STX11: variants seen among roughly 807,000 people sequenced by gnomAD.
STX11 encodes the protein syntaxin-11.
STX11 carries 21 observed loss-of-function variants against 19.9 expected under a neutral mutation model. The observed-to-expected ratio is 1.06, with a 90% CI of 0.75 to 1.52. The LOEUF (loss-of-function observed/expected upper bound fraction) is 1.52, where lower values mean the gene tolerates loss of function less well. Among genes scored for constraint, STX11 ranks in the 40% most tolerant of loss-of-function variants. The pLI is 0.00. For missense variants in STX11, 438 were observed against 405.9 expected, an observed-to-expected ratio of 1.08 and a Z score of -0.68; for synonymous variants, 193 against 174.4, an observed-to-expected ratio of 1.11 and a Z score of -0.84.
chr6:144,164,496 T>C (rs906354706), intron 1 of STX11, among the ~76,000 whole-genome samples: 1 of 152,230 alleles, frequency 6.6e-6, no homozygotes, highest in African/African-American at 2.4e-5. Flanking sequence ...CAGAATTTTC[T>C]GCAGTTTTGG....
chr6:144,183,890 C>G lies in STX11; in HGVS notation c.-5-2733C>G, dbSNP rs1429752469. On this transcript the variant is annotated intron_variant, in intron 1 of 1. Coordinates refer to ENST00000367568, the MANE Select transcript of STX11 (RefSeq NM_003764.4). The surrounding 1 kb of genome is among the most constrained non-coding windows in gnomAD (Gnocchi z 4.6). ...CCCTAATGCTCTCCCCTCCCCCGCA[C>G]TTCCCCGACAGGCCCCACTGTGCAT... Among the ~76,000 whole-genome samples, 1 of 152,138 alleles carries G rather than the reference C, an allele frequency of 6.6e-6. No individual in the cohort carries two copies. Among genetic ancestry groups the G allele is most frequent in the Non-Finnish European group, 1.5e-5 (1 of 68,024 alleles).
intron 1 of STX11, among the ~76,000 whole-genome samples, chr6:144,179,766 A>C (rs983343782): frequency 1.3e-5 from 2 of 152,192 alleles, no homozygotes; most frequent in Admixed American, 1.3e-4. Context: ...AGCCCAACAC[A>C]AAACCTCATT....
In STX11 at chr6:144,165,431, G is replaced by A. The variant is rs560333950; in HGVS notation, c.-6+14728G>A. ...GATCGCGCCATTGCACTCCAGCCTG[G>A]GCAACAAGAACGAAACTCTGTCTCA... On this transcript the variant is annotated intron_variant, in intron 1 of 1. Transcript: ENST00000367568. This position sits in a 1 kb window ranked among gnomAD's most constrained non-coding sequence, Gnocchi z 5.8. 2.0e-5 allele frequency among the ~76,000 whole-genome samples: 3 copies of A among 151,730 alleles called. No individual in the cohort carries two copies. The highest frequency in any genetic ancestry group is 1.3e-4 in the Admixed American group (2 of 15,250).
rs1474727586 is a variant in STX11 at position 144,150,536 on chromosome 6, C to G, written c.-173C>G. ...GCGCCCAGATGCGGCCGCGGCGGCG[C>G]GGAGCTCGGGCGGCCGTGGAGGAAC... is the stretch of plus-strand genomic sequence containing the variant. On this transcript the variant is annotated 5_prime_UTR_variant, in exon 1 of 2. Coordinates refer to ENST00000367568, the MANE Select transcript of STX11 (RefSeq NM_003764.4). 1.0e-6 allele frequency: 1 copy of G among 985,260 alleles called. No homozygotes were observed. Among genetic ancestry groups the G allele is most frequent in the African/African-American group, 1.7e-5 (1 of 57,212 alleles). 61.0% of individuals were successfully genotyped at this position (985,260 alleles called of 1,614,324 possible).
rs1176709301 is a variant in STX11, at chr6:144,153,881, T to C, written c.-6+3178T>C. 3.9e-5 allele frequency among the ~76,000 whole-genome samples: 6 copies of C among 152,232 alleles called. No homozygotes were observed. The highest frequency in any genetic ancestry group is 3.4e-3 in the Middle Eastern group (1 of 294). ...AAGAATATCCTACTCGGTGGAAGAA[T>C]AGGTTTGGGCTAAAGGGTGGTGAGG... On this transcript the variant is annotated intron_variant, in intron 1 of 1. Transcript: ENST00000367568. This position sits in a 1 kb window ranked among gnomAD's most constrained non-coding sequence, Gnocchi z 5.0.
rs1020466666 is a variant in STX11 at position 144,150,526 on chromosome 6, C to G, written c.-183C>G. 4 of 985,278 alleles carry G rather than the reference C, an allele frequency of 4.1e-6. No homozygotes were observed. The Admixed American group carries it at 1.8e-4, about 45-fold the overall frequency. The allele number at this position is 985,278 out of a possible 1,614,324, so 61.0% of individuals were successfully genotyped here. ...TGAGCCGGCGGCGCCCAGATGCGGC[C>G]GCGGCGGCGCGGAGCTCGGGCGGCC... On this transcript the variant is annotated 5_prime_UTR_variant, in exon 1 of 2. Coordinates refer to ENST00000367568, the MANE Select transcript of STX11 (RefSeq NM_003764.4).
At chr6:144,181,305 C>G (rs1266521284) in intron 1 of STX11, among the ~76,000 whole-genome samples, 1 of 152,032 alleles carries the variant, frequency 6.6e-6, no homozygotes, top group Non-Finnish European at 1.5e-5. Context: ...GAATAAAAAG[C>G]TGACATGGGC....
chr6:144,188,295 T>A lies in STX11; in HGVS notation c.*804T>A, dbSNP rs1413895589. 2.6e-5 allele frequency: 6 copies of A among 231,228 alleles called. No homozygotes were observed. The highest frequency in any genetic ancestry group is 4.6e-5 in the Non-Finnish European group (5 of 108,002). 14.3% of individuals were successfully genotyped at this position (231,228 alleles called of 1,614,324 possible). On this transcript the variant is annotated 3_prime_UTR_variant, in exon 2 of 2. Transcript: ENST00000367568. ...GTAAATGTAAAATACTAATATTCAC[T>A]AATATATGTACATAATGATCAATTG...
rs1458209085 is a variant in STX11 at position 144,155,588 on chromosome 6, G to A, written c.-6+4885G>A. 1.3e-5 allele frequency among the ~76,000 whole-genome samples: 2 copies of A among 152,162 alleles called. No individual in the cohort carries two copies. The highest frequency in any genetic ancestry group is 2.9e-5 in the Non-Finnish European group (2 of 68,024). ...TTCAGTGCTCAGATCACAAGAAAGG[G>A]AAGGGTTTTGGCTAATATTTCATAT... is the stretch of plus-strand genomic sequence containing the variant. On this transcript the variant is annotated intron_variant, in intron 1 of 1. Transcript: ENST00000367568. The surrounding 1 kb of genome is among the most constrained non-coding windows in gnomAD (Gnocchi z 4.5).
rs1802194361 is a variant in STX11 at position 144,190,835 on chromosome 6, C to T, written c.*3344C>T. Among the ~76,000 whole-genome samples the T allele has an allele frequency of 6.6e-6, 1 of 152,184 alleles. No homozygotes were observed. Among genetic ancestry groups the T allele is most frequent in the Admixed American group, 6.5e-5 (1 of 15,276 alleles). Reference sequence around the variant, plus strand: ...CTAAGAGAAGGCATCATTTGGCCCACTGCACGTCCTGGCCTATTCACCAAA... The same window carrying T: ...CTAAGAGAAGGCATCATTTGGCCCATTGCACGTCCTGGCCTATTCACCAAA... On this transcript the variant is annotated 3_prime_UTR_variant, in exon 2 of 2. Coordinates refer to ENST00000367568, the MANE Select transcript of STX11 (RefSeq NM_003764.4).
At position 144,186,959 on chromosome 6, in the gene STX11, G is replaced by GT; in HGVS notation, c.332_333insT (p.Glu112ArgfsTer4). 6.2e-7 allele frequency: 1 copy of GT among 1,609,206 alleles called. No homozygotes were observed. The highest frequency in any genetic ancestry group is 8.5e-7 in the Non-Finnish European group (1 of 1,179,774). On this transcript the variant is annotated frameshift_variant, in exon 2 of 2. Transcript: ENST00000367568. LOFTEE classifies it high-confidence loss of function. Reference sequence around the variant, plus strand: ...AAGCTGCGCGCCATGAAGGAGCTGAGCGAGGCGGCTGAGGCCCAGCACGGC... The same window carrying GT: ...AAGCTGCGCGCCATGAAGGAGCTGAGTCGAGGCGGCTGAGGCCCAGCACGGC...
chr6:144,151,526 TG>T lies in STX11; in HGVS notation c.-6+827del. The stretch of plus-strand genomic sequence containing the variant: ...ATGTGAAATGCCTGCCCTGCCAACC[TG>T]GGGCAGTGGTATGGGAAGTGACGAT... On this transcript the variant is annotated intron_variant, in intron 1 of 1. Coordinates refer to ENST00000367568, the MANE Select transcript of STX11 (RefSeq NM_003764.4). This position sits in a 1 kb window ranked among gnomAD's most constrained non-coding sequence, Gnocchi z 4.6. 1 of 706,462 alleles carries T rather than the reference TG, an allele frequency of 1.4e-6. No homozygotes were observed. The highest frequency in any genetic ancestry group is 1.7e-6 in the Non-Finnish European group (1 of 574,914). 43.8% of individuals were successfully genotyped at this position (706,462 alleles called of 1,614,324 possible). A position where few individuals can be genotyped will look rare whatever the true frequency, so the allele number is the denominator to read the frequency against.
At chr6:144,141,997 A>G in the STX11 span, among the ~76,000 whole-genome samples, 3 of 151,738 alleles carry the variant, frequency 2.0e-5, no homozygotes, top group African/African-American at 4.8e-5. Context: ...TGTGGTCTCT[A>G]ACATTGTTCT....
chr6:144,181,663 G>A (rs1321517084), intron 1 of STX11, among the ~76,000 whole-genome samples: 1 of 148,722 alleles, frequency 6.7e-6, no homozygotes, highest in Admixed American at 6.7e-5. Flanking sequence ...ATTTGAGTAT[G>A]CATTATAATC....
rs1801770535 is a variant in STX11, at chr6:144,176,096, A to G, written c.-5-10527A>G. ...CTTCTTTTAGATTCACTAATTAGAT[A>G]AGCAACTCCATGCCCCTTTGCAGGA... On this transcript the variant is annotated intron_variant, in intron 1 of 1. Coordinates refer to ENST00000367568, the MANE Select transcript of STX11 (RefSeq NM_003764.4). This position sits in a 1 kb window ranked among gnomAD's most constrained non-coding sequence, Gnocchi z 4.1. 6.6e-6 allele frequency among the ~76,000 whole-genome samples: 1 copy of G among 152,170 alleles called. No homozygotes were observed. The highest frequency in any genetic ancestry group is 1.5e-5 in the Non-Finnish European group (1 of 68,020).
chr6:144,187,613 A>G lies in STX11; in HGVS notation c.*122A>G. ...CAACCCTTTCCGGAACTCAGTCTTT[A>G]GAAAAGAAACGCCAGGTTCAAGAAT... On this transcript the variant is annotated 3_prime_UTR_variant, in exon 2 of 2. Coordinates refer to ENST00000367568, the MANE Select transcript of STX11 (RefSeq NM_003764.4). The surrounding 1 kb of genome is among the most constrained non-coding windows in gnomAD (Gnocchi z 5.6). 1.5e-6 allele frequency: 2 copies of G among 1,366,992 alleles called. No homozygotes were observed. Among genetic ancestry groups the G allele is most frequent in the Non-Finnish European group, 1.0e-6 (1 of 992,830 alleles). The allele number at this position is 1,366,992 out of a possible 1,614,324, so 84.7% of individuals were successfully genotyped here.
At position 144,182,617 on chromosome 6, in the gene STX11, A is replaced by G. The variant is rs574262472; in HGVS notation, c.-5-4006A>G. Among the ~76,000 whole-genome samples the G allele has an allele frequency of 1.6e-4, 25 of 152,340 alleles. No homozygotes were observed. In the South Asian group the frequency reaches 5.2e-3, roughly 32 times the overall value. On this transcript the variant is annotated intron_variant, in intron 1 of 1. Transcript: ENST00000367568. The surrounding 1 kb of genome is among the most constrained non-coding windows in gnomAD (Gnocchi z 4.8). ...ATCTTCCAAAACCATTTTCTATATGATTGAATTGTACTTGACTCTTCTTAT... is the reference window on the plus strand; with the variant it reads ...ATCTTCCAAAACCATTTTCTATATGGTTGAATTGTACTTGACTCTTCTTAT...
intron 1 of STX11, among the ~76,000 whole-genome samples, chr6:144,168,051 A>C (rs1801529117): frequency 6.6e-6 from 1 of 152,172 alleles, no homozygotes; most frequent in Admixed American, 6.5e-5. Context: ...ACCTATACCC[A>C]CTGTTAACAG....
At position 144,153,458 on chromosome 6, in the gene STX11, C is replaced by G. The variant is rs775757139; in HGVS notation, c.-6+2755C>G. ...GAGAAGTGAAACAGCACTGGACGTTCAGGAAACTCCAGCCTGTTTAGTGAC... is the reference window on the plus strand; with the variant it reads ...GAGAAGTGAAACAGCACTGGACGTTGAGGAAACTCCAGCCTGTTTAGTGAC... On this transcript the variant is annotated intron_variant, in intron 1 of 1. Coordinates refer to ENST00000367568, the MANE Select transcript of STX11 (RefSeq NM_003764.4). The surrounding 1 kb of genome is among the most constrained non-coding windows in gnomAD (Gnocchi z 5.0). Among the ~76,000 whole-genome samples, 1 of 152,128 alleles carries G rather than the reference C, an allele frequency of 6.6e-6. No homozygotes were observed. The highest frequency in any genetic ancestry group is 1.5e-5 in the Non-Finnish European group (1 of 68,030).
Sources: gnomAD v4.1 joint callset for allele counts (sites outside exome capture counted in the v4.1 genomes callset) on GRCh38, gnomAD v4.1.1 for gene constraint, Gnocchi (gnomAD v3.1) non-coding constraint, MANE v1.5 for transcripts, NCBI Gene and HGNC (gene_info 2026-07-23, HGNC 2026-07-21) for gene names.